The following RERE variants were observed in gnomAD, a reference collection of about 807,000 sequenced individuals.
RERE encodes arginine-glutamic acid dipeptide repeats.
In RERE, 40 loss-of-function variants were observed where a neutral mutation model predicts 146.1. That is an observed-to-expected ratio of 0.27 (90% CI 0.21 to 0.36). The LOEUF is 0.36. Among genes scored for constraint, RERE ranks in the 10% least tolerant of loss-of-function variants. The pLI, the probability that RERE is intolerant of heterozygous loss-of-function variation, is 1.00. For synonymous variants in RERE, 1,003 were observed against 866.0 expected, an observed-to-expected ratio of 1.16 and a Z score of -2.78; for missense variants, 1,933 against 2,138.7, an observed-to-expected ratio of 0.90 and a Z score of 1.90.
chr1:8,807,676 T>C (rs1397205478), intron 1 of RERE, among the ~76,000 whole-genome samples: 2 of 152,220 alleles, frequency 1.3e-5, no homozygotes, highest in Non-Finnish European at 2.9e-5. Context: ...TACACAAATC[T>C]TGATTCAAGT....
intron 7 of RERE, among the ~76,000 whole-genome samples, chr1:8,531,050 TATCTATC>T (rs1175572807): frequency 6.6e-6 from 1 of 150,760 alleles, no homozygotes; most frequent in African/African-American, 2.5e-5. Flanking sequence ...TCTATCTATC[TATCTATC>T]TATCTATCTA....
At chr1:8,752,204 GA>G (rs957001394) in intron 1 of RERE, among the ~76,000 whole-genome samples, 30 of 146,534 alleles carry the variant, frequency 2.0e-4, no homozygotes, top group Middle Eastern at 3.5e-3. Flanking sequence ...TCTTCAAATG[GA>G]AAAAAAAAAA....
chr1:8,389,355 C>A (rs1392969970), intron 12 of RERE, among the ~76,000 whole-genome samples: 3 of 152,172 alleles, frequency 2.0e-5, no homozygotes, highest in South Asian at 4.1e-4. Flanking sequence ...AAACCTTCAT[C>A]CCCAGCATCC....
intron 12 of RERE, among the ~76,000 whole-genome samples, chr1:8,384,346 T>C (rs557789696): frequency 1.2e-4 from 19 of 152,252 alleles, no homozygotes; most frequent in Admixed American, 3.9e-4. Flanking sequence ...GTCCCCTCTG[T>C]AGGGGTAAAG....
chr1:8,493,383 C>A (rs1174144490), intron 10 of RERE, among the ~76,000 whole-genome samples: 1 of 152,194 alleles, frequency 6.6e-6, no homozygotes, highest in Admixed American at 6.5e-5. Flanking sequence ...TACACAAACA[C>A]ACAATATTTA....
intron 1 of RERE, among the ~76,000 whole-genome samples, chr1:8,775,729 A>G (rs1297768488): frequency 6.6e-6 from 1 of 152,256 alleles, no homozygotes; most frequent in Non-Finnish European, 1.5e-5. Context: ...AAAATAAATA[A>G]AATACACATG....
intron 8 of RERE, among the ~76,000 whole-genome samples, chr1:8,502,700 G>T (rs1645190770): frequency 1.3e-5 from 2 of 150,818 alleles, no homozygotes; most frequent in Non-Finnish European, 3.0e-5. Context: ...GGTCTGTGTG[G>T]ATAGAAGTAG....
chr1:8,770,787 T>C (rs925993254), intron 1 of RERE, among the ~76,000 whole-genome samples: 1 of 152,208 alleles, frequency 6.6e-6, no homozygotes, highest in African/African-American at 2.4e-5. Context: ...TAGGAATTCA[T>C]CCTGTAAAAA....
chr1:8,670,975 T>C (rs1242855857), intron 1 of RERE, among the ~76,000 whole-genome samples: 2 of 151,900 alleles, frequency 1.3e-5, no homozygotes, highest in African/African-American at 4.8e-5. Context: ...GCACGTGGTG[T>C]GAGAAAAAAG....
chr1:8,541,300 G>C lies in RERE; in HGVS notation c.744C>G (p.Ser248=). ...AAALRGKCNI[S]HFSDIFAARE... ...TAGCAGCAAATATGTCAGAAAAATG[G>C]GAGATGTTACACTTCCCTCTGGGAA... Residue 248 remains serine, a synonymous_variant, in exon 7 of 23, where the codon TCC becomes TCG. Coordinates refer to ENST00000400908, the MANE Select transcript of RERE (RefSeq NM_001042681.2). 1 of 1,607,820 alleles carries C rather than the reference G, an allele frequency of 6.2e-7. No homozygotes were observed. The highest frequency in any genetic ancestry group is 8.5e-7 in the Non-Finnish European group (1 of 1,175,628).
At chr1:8,469,941 T>C (rs868119673) in intron 10 of RERE, among the ~76,000 whole-genome samples, 1 of 152,186 alleles carries the variant, frequency 6.6e-6, no homozygotes, top group African/African-American at 2.4e-5. Flanking sequence ...GAGGCACTCC[T>C]CTGAACAAGT....
At chr1:8,524,541 T>C (rs1333150892) in intron 7 of RERE, among the ~76,000 whole-genome samples, 1 of 152,214 alleles carries the variant, frequency 6.6e-6, no homozygotes, top group African/African-American at 2.4e-5. Context: ...ATGAGGGTTT[T>C]TCAGTTGCAC....
chr1:8,505,416 G>T (rs944876731), intron 8 of RERE, among the ~76,000 whole-genome samples: 1 of 152,122 alleles, frequency 6.6e-6, no homozygotes, highest in Non-Finnish European at 1.5e-5. Context: ...GGTGTGAGGG[G>T]GAATAAATGA....
At chr1:8,475,279 C>T (rs1644740136) in intron 10 of RERE, among the ~76,000 whole-genome samples, 1 of 151,124 alleles carries the variant, frequency 6.6e-6, no homozygotes, top group Non-Finnish European at 1.5e-5. Flanking sequence ...GAGGCTGAGG[C>T]AGGAGAATCG....
intron 10 of RERE, among the ~76,000 whole-genome samples, chr1:8,482,508 C>T (rs774379433): frequency 1.1e-4 from 17 of 151,386 alleles, no homozygotes; most frequent in African/African-American, 3.2e-4. Flanking sequence ...GGTGAAACCC[C>T]GTCTACTAAA....
At chr1:8,478,529 C>A (rs1030290642) in intron 10 of RERE, among the ~76,000 whole-genome samples, 1 of 152,002 alleles carries the variant, frequency 6.6e-6, no homozygotes, top group Non-Finnish European at 1.5e-5. Flanking sequence ...AGGAGTGGGG[C>A]GCCCCAGTGT....
At chr1:8,603,952 G>A (rs201009916) in intron 4 of RERE, among the ~76,000 whole-genome samples, 332 of 44,680 alleles carry the variant, frequency 7.4e-3, no homozygotes, top group East Asian at 0.018. Context: ...AAAAAAAAAA[G>A]AAAAGAAAAA....
intron 1 of RERE, among the ~76,000 whole-genome samples, chr1:8,696,397 G>A (rs190231239): frequency 6.6e-6 from 1 of 152,152 alleles, no homozygotes; most frequent in Non-Finnish European, 1.5e-5. Context: ...CAGATCACCC[G>A]AGCTCAAGAG....
chr1:8,488,057 T>C (rs1028881734), intron 10 of RERE, among the ~76,000 whole-genome samples: 2 of 123,572 alleles, frequency 1.6e-5, no homozygotes, highest in Non-Finnish European at 3.4e-5. Context: ...CTGAACAACA[T>C]AGCAAGACCT....
Sources: allele counts gnomAD v4.1 joint callset (sites outside exome capture counted in the v4.1 genomes callset), GRCh38; gene constraint gnomAD v4.1.1; transcripts MANE v1.5; gene names NCBI Gene and HGNC (gene_info 2026-07-23, HGNC 2026-07-21).